The following UNC13C variants were observed in gnomAD, a reference collection of about 807,000 sequenced individuals.
UNC13C encodes protein unc-13 homolog C.
A neutral mutation model predicts 245.4 loss-of-function variants in UNC13C; 174 were observed. The observed-to-expected ratio is 0.71, with a 90% confidence interval of 0.63 to 0.80. The LOEUF is 0.80. Among genes scored for constraint, UNC13C ranks in the 30% least tolerant of loss-of-function variants. The pLI is 0.00. For synonymous variants in UNC13C, 992 were observed against 895.1 expected, an observed-to-expected ratio of 1.11 and a Z score of -1.93; for missense variants, 2,829 against 2,602.9, an observed-to-expected ratio of 1.09 and a Z score of -1.89.
intron 19 of UNC13C, among the ~76,000 whole-genome samples, chr15:54,415,702 C>T (rs571168608): frequency 6.6e-6 from 1 of 152,182 alleles, no homozygotes; most frequent in South Asian, 2.1e-4. Flanking sequence ...ATATTGAGCC[C>T]ATAGATACTA....
intron 10 of UNC13C, among the ~76,000 whole-genome samples, chr15:54,267,524 TAG>T (rs1567147142): frequency 6.6e-6 from 1 of 152,118 alleles, no homozygotes; most frequent in East Asian, 1.9e-4. Flanking sequence ...TGACCAGAAA[TAG>T]ATGTTGCATT....
chr15:54,549,680 T>C lies in UNC13C; in HGVS notation c.5866T>C (p.Ser1956Pro), dbSNP rs1234712475. 1 of 1,597,572 alleles carries C rather than the reference T, an allele frequency of 6.3e-7. No homozygotes were observed. The highest frequency in any genetic ancestry group is 1.3e-5 in the African/African-American group (1 of 74,426). Residue 1956 changes from serine (S) to proline (P), a missense_variant, in exon 28 of 33, where the codon TCC becomes CCC. Transcript: ENST00000260323. ...TGCAGCTAAAGATCTTGGACAATTA[T>C]CCAAACTGAAGGTAATAAAAATAAG... Reference protein sequence around the residue: ...FIAAKDLGQLSKLKEHMIRED... With the variant: ...FIAAKDLGQLPKLKEHMIRED...
intron 17 of UNC13C, among the ~76,000 whole-genome samples, chr15:54,355,898 T>C (rs926366776): frequency 1.3e-5 from 2 of 152,176 alleles, no homozygotes; most frequent in Non-Finnish European, 2.9e-5. Flanking sequence ...GAACGTGTCA[T>C]AGATGTATAT....
At chr15:53,844,891 T>C in the UNC13C span, among the ~76,000 whole-genome samples, 1,724 of 152,204 alleles carry the variant, frequency 0.011, 29 homozygotes, top group African/African-American at 0.039. Context: ...GAGAGAGTGT[T>C]TGTCACCATG....
At chr15:54,153,873 T>C (rs2032631632) in intron 4 of UNC13C, among the ~76,000 whole-genome samples, 1 of 151,994 alleles carries the variant, frequency 6.6e-6, no homozygotes, top group Non-Finnish European at 1.5e-5. Flanking sequence ...GTGGCTCTTA[T>C]TGAAATGCCT....
intron 17 of UNC13C, among the ~76,000 whole-genome samples, chr15:54,351,180 C>G (rs1002013959): frequency 2.0e-5 from 3 of 151,972 alleles, no homozygotes; most frequent in Non-Finnish European, 4.4e-5. Flanking sequence ...TTGTTTGACT[C>G]TAGTATTTCC....
chr15:54,460,856 T>C (rs2141025176), intron 19 of UNC13C, among the ~76,000 whole-genome samples: 1 of 152,342 alleles, frequency 6.6e-6, no homozygotes, highest in Admixed American at 6.5e-5. Flanking sequence ...CTGTCTCCTA[T>C]TGGCCATTTT....
At chr15:54,086,755 T>TTTTTTTTTTTTTA (rs1899265819) in intron 2 of UNC13C, among the ~76,000 whole-genome samples, 1 of 142,574 alleles carries the variant, frequency 7.0e-6, no homozygotes, top group Non-Finnish European at 1.5e-5. Context: ...TTTTTTTTTT[T>TTTTTTTTTTTTTA]GAGATGGACT....
At chr15:54,321,793 T>A (rs2038167070) in intron 13 of UNC13C, 146 bp from the exon 14 acceptor site, 2 of 850,616 alleles carry the variant, frequency 2.4e-6, no homozygotes, top group Non-Finnish European at 3.4e-6. Flanking sequence ...AGGCCAAAAT[T>A]GTTTTTCTTT....
intron 1 of UNC13C, among the ~76,000 whole-genome samples, chr15:53,997,026 C>G (rs888776285): frequency 1.3e-5 from 2 of 152,114 alleles, no homozygotes; most frequent in African/African-American, 4.8e-5. Context: ...ACATTGTCCT[C>G]TGCAATGTAT....
chr15:54,510,910 A>C (rs1298153531), intron 23 of UNC13C, among the ~76,000 whole-genome samples: 2 of 152,136 alleles, frequency 1.3e-5, no homozygotes, highest in African/African-American at 4.8e-5. Flanking sequence ...ATTATGAATT[A>C]ATGTTTACTA....
At chr15:54,324,192 A>G (rs1160107134) in intron 14 of UNC13C, among the ~76,000 whole-genome samples, 1 of 152,054 alleles carries the variant, frequency 6.6e-6, no homozygotes, top group Non-Finnish European at 1.5e-5. Flanking sequence ...CCATTTGATG[A>G]GTCAAATATA....
intron 2 of UNC13C, among the ~76,000 whole-genome samples, chr15:54,137,509 T>C (rs563386125): frequency 6.6e-6 from 1 of 152,360 alleles, no homozygotes; most frequent in East Asian, 1.9e-4. Flanking sequence ...TTACTCATTA[T>C]TGGTCTGCTC....
chr15:54,595,134 C>A (rs560639034), intron 30 of UNC13C, among the ~76,000 whole-genome samples: 1 of 152,250 alleles, frequency 6.6e-6, no homozygotes, highest in East Asian at 1.9e-4. Flanking sequence ...TTTAACTTAT[C>A]GGGACTGATA....
At chr15:54,108,755 G>A (rs74754304) in intron 2 of UNC13C, among the ~76,000 whole-genome samples, 3,271 of 152,200 alleles carry the variant, frequency 0.021, 101 homozygotes, top group African/African-American at 0.071. Flanking sequence ...TTGGAAAATA[G>A]GGGAGATAAA....
intron 19 of UNC13C, among the ~76,000 whole-genome samples, chr15:54,451,391 T>C (rs1001567583): frequency 1.3e-5 from 2 of 152,160 alleles, no homozygotes; most frequent in Non-Finnish European, 2.9e-5. Flanking sequence ...TTTGTTCTCC[T>C]TCTGGGCCTC....
intron 18 of UNC13C, 34 bp downstream of exon 18, chr15:54,393,215 A>T: frequency 6.8e-7 from 1 of 1,469,646 alleles, no homozygotes; most frequent in East Asian, 2.4e-5. Flanking sequence ...AATGGATTTT[A>T]TTCCACTAAA....
rs561714686 is a variant in UNC13C at position 54,011,004 on chromosome 15, A to G, written c.-256-1644A>G. On this transcript the variant is annotated intron_variant, in intron 1 of 32. Coordinates refer to ENST00000260323, the MANE Select transcript of UNC13C (RefSeq NM_001080534.3). The stretch of plus-strand genomic sequence containing the variant: ...AATTCTTCGATAAAGAGTGGCTAGG[A>G]GAGAGATGAGCTCAGTTTGGGTGGT... 3.9e-5 allele frequency among the ~76,000 whole-genome samples: 6 copies of G among 152,312 alleles called. No individual in the cohort carries two copies. In the East Asian group the frequency reaches 5.8e-4, roughly 15 times the overall value.
intron 2 of UNC13C, among the ~76,000 whole-genome samples, chr15:54,064,651 C>T (rs1000705554): frequency 6.6e-6 from 1 of 152,134 alleles, no homozygotes; most frequent in Non-Finnish European, 1.5e-5. Flanking sequence ...CCCCAGTTTC[C>T]GGTGCTTCTT....
Sources: allele counts gnomAD v4.1 joint callset (sites outside exome capture counted in the v4.1 genomes callset), GRCh38; gene constraint gnomAD v4.1.1; transcripts MANE v1.5; gene names NCBI Gene and HGNC (gene_info 2026-07-23, HGNC 2026-07-21).